EBF4: variants seen among roughly 807,000 people sequenced by gnomAD.
EBF4 encodes the protein transcription factor COE4.
A neutral mutation model predicts 67.1 loss-of-function variants in EBF4; 34 were observed. That is an observed-to-expected ratio of 0.51 (90% CI 0.39 to 0.67). The LOEUF (loss-of-function observed/expected upper bound fraction) is 0.67. EBF4 is among the 30% of genes least tolerant of loss of function. The pLI, the probability that EBF4 is intolerant of heterozygous loss-of-function variation, is 0.00. For synonymous variants in EBF4, 387 were observed against 377.7 expected, an observed-to-expected ratio of 1.02 and a Z score of -0.29; for missense variants, 837 against 873.3, an observed-to-expected ratio of 0.96 and a Z score of 0.52.
chr20:2,740,124 C>T (rs1005522274), intron 6 of EBF4, among the ~76,000 whole-genome samples: 1 of 152,176 alleles, frequency 6.6e-6, no homozygotes, highest in Non-Finnish European at 1.5e-5. Context: ...ACCAGCCTGA[C>T]CAATATGGTG....
At chr20:2,740,688 T>C (rs891471430) in intron 6 of EBF4, among the ~76,000 whole-genome samples, 1 of 152,070 alleles carries the variant, frequency 6.6e-6, no homozygotes, top group Admixed American at 6.5e-5. Context: ...GGGATTCTTG[T>C]GAAAGAGGTT....
At chr20:2,708,126 T>A in intron 5 of EBF4, 106 bp downstream of exon 5, 1 of 1,178,128 alleles carries the variant, frequency 8.5e-7, no homozygotes, top group Non-Finnish European at 1.2e-6. Context: ...TGCTCTCTGC[T>A]GCTGCTCCCT....
chr20:2,710,383 C>G (rs147184774), intron 6 of EBF4, among the ~76,000 whole-genome samples: 1,617 of 152,166 alleles, frequency 0.011, 30 homozygotes, highest in African/African-American at 0.037. Context: ...CTCCTGGGCT[C>G]AAGCAATCCA....
At chr20:2,749,849 C>T (rs1357975546) in exon 10 of EBF4, 1 of 1,549,540 alleles carries the variant, frequency 6.5e-7, no homozygotes, top group South Asian at 1.2e-5. Context: ...CCTCGCAGCT[C>T]ATCACGCCCC....
chr20:2,693,684 G>A lies in EBF4; in HGVS notation c.39G>A (p.Leu13=), dbSNP rs1254586106. Residue 13 remains leucine (L), a synonymous_variant, in exon 1 of 17, where the codon CTG becomes CTA. Coordinates refer to ENST00000609451, the Ensembl canonical transcript of EBF4. This position sits in a 1 kb window ranked among gnomAD's most constrained non-coding sequence, Gnocchi z 4.6. ...AGGACGCTCTGCCCCGCAGCGGGCT[G>A]AACCTGAAGGAGGAGCCGCTGCTGC... 3 of 1,438,266 alleles carry A rather than the reference G, an allele frequency of 2.1e-6. No homozygotes were observed. Among genetic ancestry groups the A allele is most frequent in the Non-Finnish European group, 2.7e-6 (3 of 1,101,760 alleles). 89.1% of individuals were successfully genotyped at this position (1,438,266 alleles called of 1,614,324 possible).
At chr20:2,708,233 G>A (rs1296975882) in intron 5 of EBF4, among the ~76,000 whole-genome samples, 1 of 152,248 alleles carries the variant, frequency 6.6e-6, no homozygotes, top group Non-Finnish European at 1.5e-5. Flanking sequence ...AGCCTGGCCT[G>A]TTTATGTGGC....
At chr20:2,714,168 C>T (rs1473159058) in intron 6 of EBF4, among the ~76,000 whole-genome samples, 1 of 152,082 alleles carries the variant, frequency 6.6e-6, no homozygotes, top group Non-Finnish European at 1.5e-5. Context: ...CAGTGATTTC[C>T]GTTTCTCTTA....
chr20:2,758,527 G>A (rs1248797160), intron 15 of EBF4, among the ~76,000 whole-genome samples: 1 of 152,206 alleles, frequency 6.6e-6, no homozygotes, highest in Non-Finnish European at 1.5e-5. Flanking sequence ...TCGTAGGTGT[G>A]GGAGGCACAG....
chr20:2,725,009 A>G (rs2087729775), intron 6 of EBF4, among the ~76,000 whole-genome samples: 1 of 152,178 alleles, frequency 6.6e-6, no homozygotes, highest in Non-Finnish European at 1.5e-5. Flanking sequence ...AAAGTTCTTC[A>G]GTTTCACTCT....
intron 6 of EBF4, among the ~76,000 whole-genome samples, chr20:2,735,002 C>T (rs146161560): frequency 1.5e-3 from 226 of 152,306 alleles, no homozygotes; most frequent in Non-Finnish European, 2.1e-3. Context: ...TTCAGAGCCC[C>T]TGTGAACATC....
rs2088065844 is a variant in EBF4, at chr20:2,747,321, A to AAAC, written c.558-1226_558-1225insCAA. 1.3e-5 allele frequency among the ~76,000 whole-genome samples: 2 copies of AAAC among 148,760 alleles called. No individual in the cohort carries two copies. Among genetic ancestry groups the AAAC allele is most frequent in the African/African-American group, 5.2e-5 (2 of 38,536 alleles). On this transcript the variant is annotated intron_variant, in intron 6 of 16. Coordinates refer to ENST00000609451, the Ensembl canonical transcript of EBF4. The surrounding 1 kb of genome is among the most constrained non-coding windows in gnomAD (Gnocchi z 4.6). ...CAAAACAAAAAACAAAACAAACAAA[A>AAAC]AAAAAAAAACAGGAAAAAAAAGAGT...
chr20:2,697,616 A>G (rs564834805), intron 1 of EBF4, among the ~76,000 whole-genome samples: 5 of 151,974 alleles, frequency 3.3e-5, no homozygotes, highest in East Asian at 1.9e-4. Context: ...ACTGGAGGCA[A>G]TGGGGATGGG....
chr20:2,697,550 A>G (rs1176158968), intron 1 of EBF4, among the ~76,000 whole-genome samples: 1 of 107,392 alleles, frequency 9.3e-6, no homozygotes, highest in Admixed American at 9.8e-5. Context: ...GTCTCAAAAA[A>G]AAAAAGAAAG....
At chr20:2,720,857 A>C (rs543289690) in intron 6 of EBF4, among the ~76,000 whole-genome samples, 3 of 152,322 alleles carry the variant, frequency 2.0e-5, no homozygotes, top group Admixed American at 2.0e-4. Flanking sequence ...ATAGAATTAT[A>C]GGTGATAGTT....
At position 2,739,801 on chromosome 20, in the gene EBF4, A is replaced by G. The variant is rs560505626; in HGVS notation, c.558-8748A>G. Among the ~76,000 whole-genome samples, 1 of 152,164 alleles carries G rather than the reference A, an allele frequency of 6.6e-6. No individual in the cohort carries two copies. The highest frequency in any genetic ancestry group is 1.5e-5 in the Non-Finnish European group (1 of 68,020). On this transcript the variant is annotated intron_variant, in intron 6 of 16. Coordinates refer to ENST00000609451, the Ensembl canonical transcript of EBF4. This position sits in a 1 kb window ranked among gnomAD's most constrained non-coding sequence, Gnocchi z 4.5. ...GAGATCCCTGTCCCCTTATTTCCCC[A>G]TCTCAGGCTGCAGTGCCAGCTTTGG...
chr20:2,718,776 T>C (rs4815537), intron 6 of EBF4, among the ~76,000 whole-genome samples: 10,871 of 152,244 alleles, frequency 0.071, 494 homozygotes, highest in Middle Eastern at 0.12. Context: ...TTTTGTTTCA[T>C]TGATTTCCAC....
At position 2,696,283 on chromosome 20, in the gene EBF4, C is replaced by A. The variant is rs900751328; in HGVS notation, c.137+2501C>A. On this transcript the variant is annotated intron_variant, in intron 1 of 16. Coordinates refer to ENST00000609451, the Ensembl canonical transcript of EBF4. This position sits in a 1 kb window ranked among gnomAD's most constrained non-coding sequence, Gnocchi z 4.7. ...GGCCAGGAGTTCGAGACCAGCCTAGCCAACATGGTGAAACCCTGTCTCTAC... is the reference window on the plus strand; with the variant it reads ...GGCCAGGAGTTCGAGACCAGCCTAGACAACATGGTGAAACCCTGTCTCTAC... 2.6e-5 allele frequency among the ~76,000 whole-genome samples: 4 copies of A among 152,146 alleles called. No homozygotes were observed. Among genetic ancestry groups the A allele is most frequent in the Non-Finnish European group, 4.4e-5 (3 of 68,024 alleles).
rs112203351 is a variant in EBF4, at chr20:2,710,783, G to C, written c.557+1141G>C. Among the ~76,000 whole-genome samples, 280 of 152,230 alleles carry C rather than the reference G, an allele frequency of 1.8e-3. 1 individual carries two copies. The highest frequency in any genetic ancestry group is 6.5e-3 in the African/African-American group (271 of 41,510). On this transcript the variant is annotated intron_variant, in intron 6 of 16. Transcript: ENST00000609451. The stretch of plus-strand genomic sequence containing the variant: ...TTTCTGTTGTATCCTTCCTGAGATA[G>C]TCTGTGCATATACAACAAAATAGTT...
intron 1 of EBF4, among the ~76,000 whole-genome samples, chr20:2,697,553 A>AAAGC (rs2087314028): frequency 4.9e-5 from 1 of 20,414 alleles, no homozygotes; most frequent in South Asian, 1.4e-3. Context: ...TCAAAAAAAA[A>AAAGC]AAGAAAGAAA....
Sources: allele counts gnomAD v4.1 joint callset (sites outside exome capture counted in the v4.1 genomes callset), GRCh38; gene constraint gnomAD v4.1.1; non-coding constraint Gnocchi (gnomAD v3.1); transcripts MANE v1.5; gene names NCBI Gene and HGNC (gene_info 2026-07-23, HGNC 2026-07-21).